TDRD6: variants seen among roughly 807,000 people sequenced by gnomAD.
TDRD6 encodes the protein tudor domain containing 6.
Under a neutral mutation model 157.5 loss-of-function variants are expected in TDRD6, and 186 were observed. That is an observed-to-expected ratio of 1.18 (90% confidence interval 1.05 to 1.33). The LOEUF (loss-of-function observed/expected upper bound fraction) is 1.33, where lower values mean the gene tolerates loss of function less well. Ranked by LOEUF, TDRD6 falls within the 40% of genes most tolerant of loss-of-function variation. TDRD6 has a pLI of 0.00. For missense variants in TDRD6, 3,066 were observed against 2,508.0 expected (o/e 1.22, Z -4.75); for synonymous variants, 1,075 against 945.2 (o/e 1.14, Z -2.52).
Position 46,693,304 on chromosome 6 carries a change from G to C in TDRD6, c.5176G>C (p.Asp1726His). 1 of 1,607,720 alleles carries C rather than the reference G, an allele frequency of 6.2e-7. No individual in the cohort carries two copies. The highest frequency in any genetic ancestry group is 8.5e-7 in the Non-Finnish European group (1 of 1,178,440). The change falls in exon 1 of 4, where the codon GAT becomes CAT. Residue 1726 changes from aspartate to histidine, a missense_variant. Asp to His is a moderately conservative substitution (Grantham distance 81, BLOSUM62 -1). Coordinates refer to ENST00000316081, the MANE Select transcript of TDRD6 (RefSeq NM_001010870.3). ...GCAGACTCTTGGGTCCTACAATCTT[G>C]ATGTAGGACTTAAGAAATTAAGTAA... is the stretch of plus-strand genomic sequence containing the variant. ...IKQTLGSYNLDVGLKKLSNKA... is the reference protein window; with the variant it reads ...IKQTLGSYNLHVGLKKLSNKA...
intron 2 of TDRD6, among the ~76,000 whole-genome samples, chr6:46,697,178 T>G (rs995107456): frequency 1.3e-5 from 2 of 152,192 alleles, no homozygotes; most frequent in African/African-American, 2.4e-5. Flanking sequence ...ATATACCATC[T>G]GCTTGCTCTT....
In TDRD6 at chr6:46,690,817, G is replaced by A. The variant is rs776417819; in HGVS notation, c.2689G>A (p.Val897Ile). 7 of 1,613,770 alleles carry A rather than the reference G, an allele frequency of 4.3e-6. No individual in the cohort carries two copies. The African/African-American group carries it at 9.3e-5, about 22-fold the overall frequency. ...TCAACCAGTTGGCCAGAATCCCTTT[G>A]TTTGGGATGTAAAGGCAATACAAGC... is the stretch of plus-strand genomic sequence containing the variant. The part of the protein sequence containing the change: ...LIQPVGQNPF[V>I]WDVKAIQAFN... The change falls in exon 1 of 4, where the codon GTT becomes ATT. Residue 897 changes from valine to isoleucine, a missense_variant. Coordinates refer to ENST00000316081, the MANE Select transcript of TDRD6 (RefSeq NM_001010870.3).
intron 3 of TDRD6, among the ~76,000 whole-genome samples, chr6:46,698,454 A>G (rs1301930590): frequency 1.3e-5 from 2 of 152,096 alleles, no homozygotes; most frequent in East Asian, 3.9e-4. Flanking sequence ...TTCTTTTATA[A>G]TTTTTCTGTT....
Position 46,688,536 on chromosome 6 carries a change from GGC to G in TDRD6, c.409_410del (p.Ala137ArgfsTer22), listed in dbSNP as rs1317762408. ...LGCVLAGLVP[A>X]GCGAGSGEPP... Reference sequence around the variant, plus strand: ...GCTGCGTGCTAGCGGGCCTGGTGCCGGCAGGCTGCGGCGCGGGCTCAGGCGAG... The same window carrying G: ...GCTGCGTGCTAGCGGGCCTGGTGCCGAGGCTGCGGCGCGGGCTCAGGCGAG... On this transcript the variant is annotated frameshift_variant, in exon 1 of 4. Transcript: ENST00000316081. LOFTEE classifies it high-confidence loss of function. The G allele has an allele frequency of 3.2e-6, 5 of 1,572,488 alleles. No individual in the cohort carries two copies. Among genetic ancestry groups the G allele is most frequent in the Non-Finnish European group, 4.3e-6 (5 of 1,164,392 alleles).
Position 46,688,486 on chromosome 6 carries a change from T to G in TDRD6, c.358T>G (p.Phe120Val). The change falls in exon 1 of 4, where the codon TTC becomes GTC. Residue 120 changes from phenylalanine (F) to valine (V), a missense_variant. By Grantham distance (50) the Phe-to-Val change is conservative (BLOSUM62 -1). Transcript: ENST00000316081. ...GSLAPGRREF[F>V]NLPSEVLGCV... ...GCTGGCGCCTGGGCGCAGAGAGTTCTTCAATTTGCCCTCGGAAGTGCTGGG... is the reference window on the plus strand; with the variant it reads ...GCTGGCGCCTGGGCGCAGAGAGTTCGTCAATTTGCCCTCGGAAGTGCTGGG... 1 of 1,554,168 alleles carries G rather than the reference T, an allele frequency of 6.4e-7. No homozygotes were observed. Among genetic ancestry groups the G allele is most frequent in the Non-Finnish European group, 8.7e-7 (1 of 1,152,238 alleles).
Position 46,701,919 on chromosome 6 carries a change from G to A in TDRD6, c.*32G>A. 1 of 1,609,434 alleles carries A rather than the reference G, an allele frequency of 6.2e-7. No homozygotes were observed. The highest frequency in any genetic ancestry group is 1.3e-5 in the African/African-American group (1 of 74,938). ...ATCTATAGCTGTGGCCAATCAGTCA[G>A]AAGCTGCCCTTGAACAAGTGGCATC... On this transcript the variant is annotated 3_prime_UTR_variant, in exon 4 of 4. Coordinates refer to ENST00000316081, the MANE Select transcript of TDRD6 (RefSeq NM_001010870.3).
In TDRD6 at chr6:46,691,203, T is replaced by G; in HGVS notation, c.3075T>G (p.Val1025=). The change falls in exon 1 of 4, where the codon GTT becomes GTG. Residue 1025 remains valine (V), a synonymous_variant. Coordinates refer to ENST00000316081, the MANE Select transcript of TDRD6 (RefSeq NM_001010870.3). ...GTAGTATTACACAATTAAGTAAAGTTTTGCTGAATTTAAAAACATCTCCCT... is the reference window on the plus strand; with the variant it reads ...GTAGTATTACACAATTAAGTAAAGTGTTGCTGAATTTAAAAACATCTCCCT... ...LSCSITQLSK[V]LLNLKTSPLN... The G allele has an allele frequency of 6.2e-7, 1 of 1,612,986 alleles. No homozygotes were observed. Among genetic ancestry groups the G allele is most frequent in the South Asian group, 1.1e-5 (1 of 90,900 alleles).
At position 46,695,804 on chromosome 6, in the gene TDRD6, T is replaced by C; in HGVS notation, c.6047-17T>C. 6.2e-7 allele frequency: 1 copy of C among 1,610,472 alleles called. No individual in the cohort carries two copies. The highest frequency in any genetic ancestry group is 8.5e-7 in the Non-Finnish European group (1 of 1,178,652). On this transcript the variant is annotated splice_polypyrimidine_tract_variant and intron_variant, in intron 1 of 3. Transcript: ENST00000316081. ...TTAAGAGATATGCATTGAGTCTTAC[T>C]CAATTCAATTTGGCAGCTCAACTAC...
At position 46,689,361 on chromosome 6, in the gene TDRD6, T is replaced by C; in HGVS notation, c.1233T>C (p.Phe411=). The change falls in exon 1 of 4, where the codon TTT becomes TTC. Residue 411 remains phenylalanine (F), a synonymous_variant. Coordinates refer to ENST00000316081, the MANE Select transcript of TDRD6 (RefSeq NM_001010870.3). Reference sequence around the variant, plus strand: ...AGGCAGTGAATGCAAAGATTGAATTTTATTGCTCCTTTGAGCATGTGTATT... The same window carrying C: ...AGGCAGTGAATGCAAAGATTGAATTCTATTGCTCCTTTGAGCATGTGTATT... The part of the protein sequence containing the change: ...LGKAVNAKIE[F]YCSFEHVYYV... The C allele has an allele frequency of 6.2e-7, 1 of 1,614,120 alleles. No individual in the cohort carries two copies. Among genetic ancestry groups the C allele is most frequent in the Non-Finnish European group, 8.5e-7 (1 of 1,180,032 alleles).
Position 46,693,746 on chromosome 6 carries a change from C to T in TDRD6, c.5618C>T (p.Pro1873Leu). The T allele has an allele frequency of 6.2e-7, 1 of 1,614,198 alleles. No homozygotes were observed. Among genetic ancestry groups the T allele is most frequent in the Non-Finnish European group, 8.5e-7 (1 of 1,180,046 alleles). ...GAAAAAGGGGAGCTAAGCCCGGTGC[C>T]ACCGAATGTGCCACTCTCCCAAGAG... ...DEEKGELSPV[P>L]PNVPLSQECV... The change falls in exon 1 of 4, where the codon CCA becomes CTA. Residue 1873 changes from proline to leucine, a missense_variant. Physicochemically the swap from Pro to Leu is moderately conservative, Grantham distance 98. Transcript: ENST00000316081.
chr6:46,698,427 G>A (rs923076635), intron 3 of TDRD6, among the ~76,000 whole-genome samples: 16 of 152,032 alleles, frequency 1.1e-4, no homozygotes, highest in African/African-American at 3.9e-4. Context: ...GAGACAAATA[G>A]GTTGACCAGT....
At position 46,693,581 on chromosome 6, in the gene TDRD6, C is replaced by T; in HGVS notation, c.5453C>T (p.Thr1818Ile). 5 of 1,614,124 alleles carry T rather than the reference C, an allele frequency of 3.1e-6. No homozygotes were observed. The highest frequency in any genetic ancestry group is 4.2e-6 in the Non-Finnish European group (5 of 1,180,020). ...AAATACCTGATTACAGGATTTAACA[C>T]ATTACTACCACATGCTAATGAAACA... ...DDKYLITGFNTLLPHANETKE... is the reference protein window; with the variant it reads ...DDKYLITGFNILLPHANETKE... The change falls in exon 1 of 4, where the codon ACA (threonine) becomes ATA (isoleucine). Residue 1818 changes from threonine (T) to isoleucine (I), a missense_variant. Thr to Ile is a moderately conservative substitution (Grantham distance 89). Transcript: ENST00000316081.
chr6:46,689,550 A>G lies in TDRD6; in HGVS notation c.1422A>G (p.Ser474=), dbSNP rs1161288474. ...SPAEEVDEEI[S]LPALRSIRLK... is the part of the protein sequence containing the mutation. The stretch of plus-strand genomic sequence containing the variant: ...CTGAAGAAGTAGATGAAGAGATTTC[A>G]CTCCCAGCCTTAAGATCTATCAGGT... Residue 474 remains serine, a synonymous_variant, in exon 1 of 4, where the codon TCA becomes TCG. Coordinates refer to ENST00000316081, the MANE Select transcript of TDRD6 (RefSeq NM_001010870.3). 40 of 1,613,836 alleles carry G rather than the reference A, an allele frequency of 2.5e-5. No homozygotes were observed. The highest frequency in any genetic ancestry group is 3.4e-5 in the Non-Finnish European group (40 of 1,180,016).
chr6:46,688,299 C>T lies in TDRD6; in HGVS notation c.171C>T (p.Arg57=). 6.7e-7 allele frequency: 1 copy of T among 1,502,030 alleles called. No homozygotes were observed. The highest frequency in any genetic ancestry group is 8.8e-7 in the Non-Finnish European group (1 of 1,133,218). 93.0% of individuals were successfully genotyped at this position (1,502,030 alleles called of 1,614,324 possible). The part of the protein sequence containing the change: ...SREIQEAAAT[R]GQWALGSASA... ...AAATCCAGGAAGCGGCGGCCACGCG[C>T]GGCCAGTGGGCGCTGGGCAGCGCCT... Residue 57 remains arginine (R), a synonymous_variant, in exon 1 of 4, where the codon CGC becomes CGT. Coordinates refer to ENST00000316081, the MANE Select transcript of TDRD6 (RefSeq NM_001010870.3).
Position 46,692,480 on chromosome 6 carries a change from T to G in TDRD6, c.4352T>G (p.Phe1451Cys). ...RTSEAAIRCEFVKFQDRWEVI... is the reference protein window; with the variant it reads ...RTSEAAIRCECVKFQDRWEVI... ...AGCGAGGCTGCAATAAGATGTGAAT[T>G]TGTTAAATTTCAAGACAGATGGGAA... The change falls in exon 1 of 4, where the codon TTT (phenylalanine) becomes TGT (cysteine). Residue 1451 changes from phenylalanine (F) to cysteine (C), a missense_variant. Physicochemically the swap from Phe to Cys is radical, Grantham distance 205. Coordinates refer to ENST00000316081, the MANE Select transcript of TDRD6 (RefSeq NM_001010870.3). The G allele has an allele frequency of 6.2e-7, 1 of 1,613,870 alleles. No individual in the cohort carries two copies.
In TDRD6 at chr6:46,689,780, GTTA is replaced by G. The variant is rs1343975354; in HGVS notation, c.1657_1659del (p.Tyr553del). ...TGCTGTGTCAAGTGGAAAGAAAATG[GTTA>G]TTATAGGGCCATAGTCACCAAATTG... is the stretch of plus-strand genomic sequence containing the variant. On this transcript the variant is annotated inframe_deletion, in exon 1 of 4. Coordinates refer to ENST00000316081, the MANE Select transcript of TDRD6 (RefSeq NM_001010870.3). The G allele has an allele frequency of 6.2e-7, 1 of 1,614,172 alleles. No homozygotes were observed. The highest frequency in any genetic ancestry group is 8.5e-7 in the Non-Finnish European group (1 of 1,180,038).
In TDRD6 at chr6:46,689,142, G is replaced by C; in HGVS notation, c.1014G>C (p.Gln338His). Reference protein sequence around the residue: ...RALLLETFRPQRCAQVLHVDY... With the variant: ...RALLLETFRPHRCAQVLHVDY... ...TGTTGCTTGAGACTTTTCGGCCCCA[G>C]CGCTGTGCCCAGGTGCTTCATGTGG... The change falls in exon 1 of 4, where the codon CAG becomes CAC. Residue 338 changes from glutamine (Q) to histidine (H), a missense_variant. Gln to His is a conservative substitution (Grantham distance 24). Coordinates refer to ENST00000316081, the MANE Select transcript of TDRD6 (RefSeq NM_001010870.3). 1 of 1,614,228 alleles carries C rather than the reference G, an allele frequency of 6.2e-7. No homozygotes were observed. The highest frequency in any genetic ancestry group is 8.5e-7 in the Non-Finnish European group (1 of 1,180,034).
upstream of TDRD6, among the ~76,000 whole-genome samples, chr6:46,686,667 G>A (rs1157442369): frequency 6.6e-6 from 1 of 152,174 alleles, no homozygotes; most frequent in Non-Finnish European, 1.5e-5. Flanking sequence ...GAAAAGAAAA[G>A]CTTTGGCTTT....
rs1764179643 is a variant in TDRD6, at chr6:46,688,417, T to G, written c.289T>G (p.Phe97Val). ...CCGGCAGGCACAGGAGAGCCGTGTC[T>G]TCCTGCTGGACGAGGGCCGCACCAT... Reference protein sequence around the residue: ...VSRQAQESRVFLLDEGRTITA... With the variant: ...VSRQAQESRVVLLDEGRTITA... Residue 97 changes from phenylalanine to valine, a missense_variant, in exon 1 of 4, where the codon TTC (phenylalanine) becomes GTC (valine). Phe to Val is a conservative substitution (Grantham distance 50, BLOSUM62 -1). Coordinates refer to ENST00000316081, the MANE Select transcript of TDRD6 (RefSeq NM_001010870.3). 1.3e-6 allele frequency: 2 copies of G among 1,539,974 alleles called. No homozygotes were observed. Among genetic ancestry groups the G allele is most frequent in the Non-Finnish European group, 1.7e-6 (2 of 1,145,832 alleles).
Sources: gnomAD v4.1 joint callset for allele counts (sites outside exome capture counted in the v4.1 genomes callset) on GRCh38, gnomAD v4.1.1 for gene constraint, MANE v1.5 for transcripts, NCBI Gene and HGNC (gene_info 2026-07-23, HGNC 2026-07-21) for gene names.